The following SUGCT variants were observed in gnomAD, a reference collection of about 807,000 sequenced individuals.
SUGCT encodes the protein succinyl-CoA:glutarate CoA-transferase.
A neutral mutation model predicts 55.0 loss-of-function variants in SUGCT; 41 were observed. That is an observed-to-expected ratio of 0.74 (90% CI 0.58 to 0.97). The LOEUF is 0.97. SUGCT is among the 50% of genes least tolerant of loss of function. The pLI, the probability that SUGCT is intolerant of heterozygous loss-of-function variation, is 0.00. For missense variants in SUGCT, 568 were observed against 547.8 expected (o/e 1.04, Z -0.37); for synonymous variants, 187 against 200.4 (o/e 0.93, Z 0.56).
At chr7:40,499,273 T>A (rs535496698) in intron 12 of SUGCT, 2 of 291,458 alleles carry the variant, frequency 6.9e-6, no homozygotes, top group African/African-American at 4.5e-5. Flanking sequence ...AAAGCCAGGA[T>A]TGGGAGACTC....
chr7:40,969,656 T>C, the SUGCT span, among the ~76,000 whole-genome samples: 2 of 152,184 alleles, frequency 1.3e-5, no homozygotes, highest in African/African-American at 4.8e-5. Flanking sequence ...TGCACCCAGC[T>C]TTCAACTGTT....
chr7:40,140,993 AT>A (rs548891224), intron 1 of SUGCT, among the ~76,000 whole-genome samples: 1 of 151,840 alleles, frequency 6.6e-6, no homozygotes, highest in East Asian at 1.9e-4. Context: ...GTGTTTTTCC[AT>A]TTTTTTGTTT....
At chr7:40,361,378 T>C (rs1330162736) in intron 9 of SUGCT, among the ~76,000 whole-genome samples, 1 of 151,834 alleles carries the variant, frequency 6.6e-6, no homozygotes, top group Non-Finnish European at 1.5e-5. Context: ...ATCGAGACCA[T>C]CCTGGCTAAC....
chr7:40,283,498 G>A (rs1793105129), intron 8 of SUGCT, among the ~76,000 whole-genome samples: 1 of 152,066 alleles, frequency 6.6e-6, no homozygotes. Flanking sequence ...CAAAATGCTA[G>A]GATTACATGC....
At chr7:40,354,839 T>A (rs1036163486) in intron 9 of SUGCT, among the ~76,000 whole-genome samples, 1 of 152,222 alleles carries the variant, frequency 6.6e-6, no homozygotes, top group African/African-American at 2.4e-5. Flanking sequence ...GTTAATACTT[T>A]TGGTGCCAAG....
chr7:40,996,538 A>G, the SUGCT span, among the ~76,000 whole-genome samples: 1 of 152,328 alleles, frequency 6.6e-6, no homozygotes, highest in East Asian at 1.9e-4. Flanking sequence ...CCTTGAAGCC[A>G]AGTCTAGACA....
At chr7:40,906,193 A>G in the SUGCT span, among the ~76,000 whole-genome samples, 1 of 151,220 alleles carries the variant, frequency 6.6e-6, no homozygotes, top group Non-Finnish European at 1.5e-5. Context: ...AACATTTTTG[A>G]TAAACTCAAG....
Position 40,181,041 on chromosome 7 carries a change from C to G in SUGCT, c.152+43C>G, listed in dbSNP as rs780049180. On this transcript the variant is annotated intron_variant, in intron 2 of 13. Coordinates refer to ENST00000335693, the MANE Select transcript of SUGCT (RefSeq NM_001193313.2). ...TACATTTTGGTGATTGGGTTTTTCC[C>G]TTTCCTCAAAAACTTTTAATTTTTT... is the stretch of plus-strand genomic sequence containing the variant. 3 of 1,404,988 alleles carry G rather than the reference C, an allele frequency of 2.1e-6. No homozygotes were observed. The South Asian group carries it at 3.7e-5, about 17-fold the overall frequency. The allele number at this position is 1,404,988 out of a possible 1,614,324, so 87.0% of individuals were successfully genotyped here.
intron 1 of SUGCT, among the ~76,000 whole-genome samples, chr7:40,173,091 T>G (rs1784754100): frequency 6.6e-6 from 1 of 152,220 alleles, no homozygotes; most frequent in African/African-American, 2.4e-5. Context: ...TTCTTTGACC[T>G]GGGGTTCTTG....
At chr7:40,292,125 G>A (rs1041618086) in intron 8 of SUGCT, among the ~76,000 whole-genome samples, 9 of 152,102 alleles carry the variant, frequency 5.9e-5, no homozygotes, top group African/African-American at 2.2e-4. Flanking sequence ...AGACAGTTTT[G>A]GTTTTATATA....
intron 12 of SUGCT, among the ~76,000 whole-genome samples, chr7:40,659,980 A>T (rs937312074): frequency 1.3e-5 from 2 of 152,180 alleles, no homozygotes; most frequent in African/African-American, 4.8e-5. Flanking sequence ...ACTACATCTA[A>T]GTAATTTTTT....
intron 13 of SUGCT, among the ~76,000 whole-genome samples, chr7:40,793,582 G>C (rs1790417694): frequency 6.6e-6 from 1 of 151,896 alleles, no homozygotes; most frequent in Non-Finnish European, 1.5e-5. Flanking sequence ...TTGTTTACTT[G>C]TTAGTTTTGT....
chr7:40,527,493 A>G (rs1390105377), intron 12 of SUGCT, among the ~76,000 whole-genome samples: 1 of 152,182 alleles, frequency 6.6e-6, no homozygotes, highest in African/African-American at 2.4e-5. Flanking sequence ...TAAACACCAA[A>G]TATGAGCATG....
intron 10 of SUGCT, among the ~76,000 whole-genome samples, chr7:40,457,460 TG>T (rs1270727367): frequency 6.6e-6 from 1 of 152,004 alleles, no homozygotes; most frequent in Non-Finnish European, 1.5e-5. Context: ...AAATATCTTT[TG>T]GGGGAAACAG....
At chr7:40,665,780 A>G (rs539389540) in intron 12 of SUGCT, among the ~76,000 whole-genome samples, 38 of 152,244 alleles carry the variant, frequency 2.5e-4, no homozygotes, top group South Asian at 1.2e-3. Context: ...GATAGGGAGA[A>G]GATAAGGTGG....
the SUGCT span, among the ~76,000 whole-genome samples, chr7:40,869,552 T>C: frequency 6.6e-6 from 1 of 152,324 alleles, no homozygotes; most frequent in African/African-American, 2.4e-5. Flanking sequence ...AGTAGAGATA[T>C]ACCATGCTTG....
intron 7 of SUGCT, among the ~76,000 whole-genome samples, chr7:40,258,402 G>A (rs567715877): frequency 2.0e-5 from 3 of 151,928 alleles, no homozygotes; most frequent in Non-Finnish European, 4.4e-5. Context: ...TTTTTGAGAC[G>A]GAGTCTTACT....
At chr7:40,739,785 A>G (rs1407919347) in intron 12 of SUGCT, among the ~76,000 whole-genome samples, 2 of 152,056 alleles carry the variant, frequency 1.3e-5, no homozygotes, top group African/African-American at 4.8e-5. Flanking sequence ...TGCCAATATG[A>G]TATTCTCCTA....
At chr7:40,390,175 A>G (rs1398743526) in intron 9 of SUGCT, among the ~76,000 whole-genome samples, 3 of 152,196 alleles carry the variant, frequency 2.0e-5, no homozygotes, top group African/African-American at 4.8e-5. Flanking sequence ...CACAGCCAAT[A>G]TCATACTGAA....
Sources: allele counts gnomAD v4.1 joint callset (sites outside exome capture counted in the v4.1 genomes callset), GRCh38; gene constraint gnomAD v4.1.1; transcripts MANE v1.5; gene names NCBI Gene and HGNC (gene_info 2026-07-23, HGNC 2026-07-21).